Variants in TET3 observed in about 807,000 individuals in gnomAD.
TET3 encodes the protein tet methylcytosine dioxygenase 3, also known as methylcytosine dioxygenase TET3.
A neutral mutation model predicts 141.4 loss-of-function variants in TET3; 19 were observed. The observed-to-expected ratio is 0.13, with a 90% CI of 0.09 to 0.20. The LOEUF (loss-of-function observed/expected upper bound fraction) is 0.20, where lower values mean the gene tolerates loss of function less well. Ranked by LOEUF, TET3 falls within the 10% of genes least tolerant of loss-of-function variation. The probability of loss-of-function intolerance (pLI) is 1.00; values close to 1 mark genes in which losing one functional copy is unlikely to be tolerated. For synonymous variants in TET3, 1,043 were observed against 980.9 expected (o/e 1.06, Z -1.18); for missense variants, 1,874 against 2,356.9 (o/e 0.80, Z 4.24).
intron 2 of TET3, among the ~76,000 whole-genome samples, chr2:74,001,032 C>T (rs917722382): frequency 2.6e-4 from 39 of 152,154 alleles, no homozygotes; most frequent in Admixed American, 6.5e-4. Context: ...CTCCACTTGG[C>T]CTGGTCATTG....
intron 3 of TET3, among the ~76,000 whole-genome samples, chr2:74,027,269 C>T (rs539612980): frequency 8.6e-5 from 13 of 151,424 alleles, no homozygotes; most frequent in Non-Finnish European, 1.9e-4. Context: ...GATGAAGGAT[C>T]AATGTGTGCT....
Position 74,103,092 on chromosome 2 carries a change from G to A in TET3, c.*916G>A, listed in dbSNP as rs1162098273. ...GGAGTGCGAGGTTCTTAGGGGCCGT[G>A]CCCACCATGTTGCCAAGCCAATGCA... is the stretch of plus-strand genomic sequence containing the variant. On this transcript the variant is annotated 3_prime_UTR_variant, in exon 12 of 12. Transcript: ENST00000409262. 1 of 152,218 alleles carries A rather than the reference G, an allele frequency of 6.6e-6. No homozygotes were observed. Among genetic ancestry groups the A allele is most frequent in the African/African-American group, 2.4e-5 (1 of 41,442 alleles). The allele number at this position is 152,218 out of a possible 1,614,324, so 9.4% of individuals were successfully genotyped here. A position where few individuals can be genotyped will look rare whatever the true frequency, so the allele number is the denominator to read the frequency against.
intron 10 of TET3, among the ~76,000 whole-genome samples, chr2:74,095,816 G>T (rs976238580): frequency 1.3e-5 from 2 of 152,196 alleles, no homozygotes; most frequent in African/African-American, 2.4e-5. Context: ...TTCTTCTCAC[G>T]TATTTGTGCA....
At chr2:74,131,668 T>A in the TET3 span, among the ~76,000 whole-genome samples, 2 of 152,200 alleles carry the variant, frequency 1.3e-5, no homozygotes, top group Admixed American at 6.5e-5. Context: ...CAGGGAACTT[T>A]GGGTTTTCCA....
Position 74,003,122 on chromosome 2 carries a change from G to A in TET3, c.316G>A (p.Ala106Thr), listed in dbSNP as rs1318644684. ...VGLLKEVEIK[A>T]GEGAGPWGQG... ...GCTTCTTTTGCAGGTGGAAATAAAG[G>A]CTGGTGAAGGAGCCGGGCCGTGGGG... Residue 106 changes from alanine to threonine, a missense_variant, in exon 3 of 12, where the codon GCT becomes ACT. Ala to Thr is a moderately conservative substitution (Grantham distance 58). Transcript: ENST00000409262. The A allele has an allele frequency of 6.4e-7, 1 of 1,550,530 alleles. No homozygotes were observed.
chr2:73,995,710 G>A (rs952726009), intron 2 of TET3, among the ~76,000 whole-genome samples: 1 of 152,190 alleles, frequency 6.6e-6, no homozygotes, highest in Non-Finnish European at 1.5e-5. Flanking sequence ...AGGAGGTTCT[G>A]TAGGACAGTG....
chr2:74,038,172 C>A (rs368618850), intron 3 of TET3, among the ~76,000 whole-genome samples: 38 of 152,144 alleles, frequency 2.5e-4, no homozygotes, highest in African/African-American at 8.4e-4. Flanking sequence ...AGCACAGGGT[C>A]CCCAGCTCTC....
intron 3 of TET3, among the ~76,000 whole-genome samples, chr2:74,034,452 C>A (rs1485721275): frequency 6.6e-6 from 1 of 151,768 alleles, no homozygotes; most frequent in Non-Finnish European, 1.5e-5. Flanking sequence ...ATTTTGTTAT[C>A]ATTCCCTTGC....
intron 3 of TET3, among the ~76,000 whole-genome samples, chr2:74,003,900 A>G (rs956057982): frequency 2.6e-5 from 4 of 151,936 alleles, no homozygotes; most frequent in Non-Finnish European, 4.4e-5. Flanking sequence ...AGAGTCCAGT[A>G]GAGTATCAGC....
Position 74,042,054 on chromosome 2 carries a change from C to G in TET3, c.361-4224C>G, listed in dbSNP as rs945639172. Among the ~76,000 whole-genome samples the G allele has an allele frequency of 5.3e-5, 8 of 152,202 alleles. No individual in the cohort carries two copies. The East Asian group carries it at 1.5e-3, about 29-fold the overall frequency. On this transcript the variant is annotated intron_variant, in intron 3 of 11. Coordinates refer to ENST00000409262, the MANE Select transcript of TET3 (RefSeq NM_001287491.2). ...GATAAATATGTTGAACAGGATAGTT[C>G]CAAGAACAGAGCCCTGTGGCAGACC...
chr2:74,098,683 C>A lies in TET3; in HGVS notation c.3268-593C>A, dbSNP rs187284383. 4.5e-3 allele frequency among the ~76,000 whole-genome samples: 685 copies of A among 151,412 alleles called. 6 individuals carry two copies. Among genetic ancestry groups the A allele is most frequent in the Non-Finnish European group, 6.9e-3 (471 of 67,960 alleles). ...GATCTTGGCTCACTGCAACCTCCAT[C>A]TCTGGGTTCAAGCAATTCTCCTGTC... On this transcript the variant is annotated intron_variant, in intron 10 of 11. Transcript: ENST00000409262.
chr2:74,130,409 A>G, the TET3 span, among the ~76,000 whole-genome samples: 1,080 of 152,348 alleles, frequency 7.1e-3, 20 homozygotes, highest in African/African-American at 0.025. Flanking sequence ...GCGCCAGTGC[A>G]GGTACAAATG....
chr2:74,123,028 C>CT, the TET3 span: 1 of 151,834 alleles, frequency 6.6e-6, no homozygotes, highest in South Asian at 2.1e-4. Context: ...TGCTTCCTGC[C>CT]TTAGGGACTT....
intron 6 of TET3, among the ~76,000 whole-genome samples, chr2:74,083,023 C>T (rs576914002): frequency 4.4e-4 from 67 of 152,320 alleles, no homozygotes; most frequent in East Asian, 1.7e-3. Flanking sequence ...CCCTAGCCCC[C>T]AGCCATACCT....
chr2:74,122,559 G>C, the TET3 span: 1 of 127,306 alleles, frequency 7.9e-6, no homozygotes, highest in Non-Finnish European at 1.6e-5. Context: ...TGTTACCCAG[G>C]CTGGAGTGCA....
At chr2:74,097,650 G>C (rs2104179215) in intron 10 of TET3, among the ~76,000 whole-genome samples, 1 of 152,288 alleles carries the variant, frequency 6.6e-6, no homozygotes, top group Non-Finnish European at 1.5e-5. Context: ...TTGCAGGGAA[G>C]AATGGGTGAT....
At chr2:74,133,092 T>TC in the TET3 span, among the ~76,000 whole-genome samples, 1 of 138,030 alleles carries the variant, frequency 7.2e-6, no homozygotes, top group East Asian at 2.2e-4. Context: ...TTTTTTTTTT[T>TC]TAGTTGAGAC....
chr2:74,113,266 A>C, the TET3 span, among the ~76,000 whole-genome samples: 1 of 151,892 alleles, frequency 6.6e-6, no homozygotes, highest in African/African-American at 2.4e-5. Context: ...CATGCCTCTA[A>C]TCCCAGCTAC....
intron 3 of TET3, among the ~76,000 whole-genome samples, chr2:74,004,734 C>T (rs1183768368): frequency 2.0e-5 from 3 of 152,118 alleles, no homozygotes; most frequent in Non-Finnish European, 4.4e-5. Context: ...GAGAGCTGAG[C>T]TCACCTCAAG....
Sources: allele counts gnomAD v4.1 joint callset (sites outside exome capture counted in the v4.1 genomes callset), GRCh38; gene constraint gnomAD v4.1.1; transcripts MANE v1.5; gene names NCBI Gene and HGNC (gene_info 2026-07-23, HGNC 2026-07-21).